The following GRIK1 variants were observed in gnomAD, a reference collection of about 807,000 sequenced individuals.
GRIK1 encodes the protein glutamate ionotropic receptor kainate type subunit 1, also known as glutamate receptor ionotropic, kainate 1.
A neutral mutation model predicts 105.7 loss-of-function variants in GRIK1; 69 were observed. The observed-to-expected ratio is 0.65, with a 90% confidence interval of 0.54 to 0.80. The LOEUF (loss-of-function observed/expected upper bound fraction) is 0.80. GRIK1 is among the 30% of genes least tolerant of loss of function. The probability of loss-of-function intolerance (pLI) is 0.00; values close to 1 mark genes in which losing one functional copy is unlikely to be tolerated. For synonymous variants in GRIK1, 438 were observed against 431.3 expected, an observed-to-expected ratio of 1.02 and a Z score of -0.19; for missense variants, 1,109 against 1,167.3, an observed-to-expected ratio of 0.95 and a Z score of 0.73.
chr21:29,728,784 C>G (rs1013063447), intron 1 of GRIK1, among the ~76,000 whole-genome samples: 1 of 152,094 alleles, frequency 6.6e-6, no homozygotes, highest in African/African-American at 2.4e-5. Context: ...GAAGATAAAA[C>G]AATAAACAGA....
At chr21:29,641,969 C>T (rs1459361550) in intron 7 of GRIK1, among the ~76,000 whole-genome samples, 1 of 151,906 alleles carries the variant, frequency 6.6e-6, no homozygotes, top group Non-Finnish European at 1.5e-5. Flanking sequence ...TTCTCCAGTA[C>T]AGAAAGGAAA....
chr21:29,888,533 T>A (rs2069764338), intron 1 of GRIK1, among the ~76,000 whole-genome samples: 1 of 151,846 alleles, frequency 6.6e-6, no homozygotes, highest in African/African-American at 2.4e-5. Flanking sequence ...CCCAAACTGT[T>A]GGGAACCACT....
At chr21:29,620,808 T>TATATATATATATATATATATATATAG (rs2061978720) in intron 7 of GRIK1, among the ~76,000 whole-genome samples, 1 of 122,624 alleles carries the variant, frequency 8.2e-6, no homozygotes, top group African/African-American at 3.6e-5. Flanking sequence ...TATATATAGA[T>TATATATATATATATATATATATATAG]ATATATATAT....
intron 4 of GRIK1, among the ~76,000 whole-genome samples, chr21:29,665,957 G>T (rs2063051038): frequency 1.3e-5 from 2 of 152,140 alleles, no homozygotes; most frequent in Non-Finnish European, 2.9e-5. Flanking sequence ...CCAGATAAAT[G>T]GTAGTTATTT....
chr21:29,839,464 G>T (rs1367674694), intron 1 of GRIK1, among the ~76,000 whole-genome samples: 1 of 152,148 alleles, frequency 6.6e-6, no homozygotes, highest in Non-Finnish European at 1.5e-5. Flanking sequence ...ATTTTTGGTA[G>T]ACTATATTGA....
chr21:29,587,216 A>G (rs2091147771), intron 12 of GRIK1, 150 bp downstream of exon 12: 1 of 493,398 alleles, frequency 2.0e-6, no homozygotes, highest in Non-Finnish European at 3.6e-6. Flanking sequence ...CATTTACAGA[A>G]CGGCTTTTAT....
At chr21:29,779,772 G>A (rs770316928) in intron 1 of GRIK1, among the ~76,000 whole-genome samples, 30 of 152,086 alleles carry the variant, frequency 2.0e-4, no homozygotes, top group Non-Finnish European at 3.2e-4. Flanking sequence ...TGATAATATC[G>A]TTTTAAAGAT....
chr21:29,810,464 G>GT (rs1018415092), intron 1 of GRIK1, among the ~76,000 whole-genome samples: 29 of 152,052 alleles, frequency 1.9e-4, no homozygotes, highest in African/African-American at 6.8e-4. Context: ...CCTTCAATTT[G>GT]TAAGAAATGC....
At chr21:29,735,701 A>G (rs1053936347) in intron 1 of GRIK1, among the ~76,000 whole-genome samples, 2 of 152,078 alleles carry the variant, frequency 1.3e-5, no homozygotes, top group African/African-American at 2.4e-5. Flanking sequence ...GTTTGAGACC[A>G]GCCTGACCAA....
At position 29,939,533 on chromosome 21, in the gene GRIK1, G is replaced by A; in HGVS notation, c.-33C>T. 2 of 1,392,626 alleles carry A rather than the reference G, an allele frequency of 1.4e-6. No individual in the cohort carries two copies. Among genetic ancestry groups the A allele is most frequent in the Non-Finnish European group, 2.0e-6 (2 of 1,016,594 alleles). The allele number at this position is 1,392,626 out of a possible 1,614,324, so 86.3% of individuals were successfully genotyped here. On this transcript the variant is annotated 5_prime_UTR_variant, in exon 1 of 18. Coordinates refer to ENST00000327783, the MANE Select transcript of GRIK1 (RefSeq NM_001330994.2). Reference sequence around the variant, plus strand: ...GCTTCTTAATTCATGCCGAGATACAGCCGCTGCCGGACGCCCGAGAGATGC... The same window carrying A: ...GCTTCTTAATTCATGCCGAGATACAACCGCTGCCGGACGCCCGAGAGATGC...
intron 1 of GRIK1, among the ~76,000 whole-genome samples, chr21:29,785,561 C>CAAAAAAAAAAAAAAAAAA (rs950219193): frequency 1.7e-5 from 1 of 58,024 alleles, no homozygotes; most frequent in Non-Finnish European, 3.3e-5. Context: ...GAGACTGTCT[C>CAAAAAAAAAAAAAAAAAA]AAAAAAAAAA....
chr21:29,643,910 GCACA>G (rs36010792), intron 6 of GRIK1, among the ~76,000 whole-genome samples: 1 of 149,668 alleles, frequency 6.7e-6, no homozygotes, highest in African/African-American at 2.4e-5. Context: ...GCACACACAT[GCACA>G]CACACACACA....
At chr21:29,597,301 T>C (rs527437886) in intron 8 of GRIK1, among the ~76,000 whole-genome samples, 3 of 152,330 alleles carry the variant, frequency 2.0e-5, no homozygotes, top group African/African-American at 7.2e-5. Context: ...TCTAATTTGA[T>C]TTTGCCTTTG....
At chr21:29,672,537 A>G (rs1381840549) in intron 4 of GRIK1, among the ~76,000 whole-genome samples, 1 of 152,212 alleles carries the variant, frequency 6.6e-6, no homozygotes, top group Non-Finnish European at 1.5e-5. Flanking sequence ...CTGTCCCTGT[A>G]TACCTTTTTT....
intron 1 of GRIK1, among the ~76,000 whole-genome samples, chr21:29,838,672 G>A (rs2067880046): frequency 6.6e-6 from 1 of 152,158 alleles, no homozygotes; most frequent in Admixed American, 6.6e-5. Context: ...CTAGTTTTCA[G>A]CAAAATAACG....
intron 1 of GRIK1, among the ~76,000 whole-genome samples, chr21:29,703,947 A>G (rs1049877671): frequency 6.6e-6 from 1 of 152,228 alleles, no homozygotes; most frequent in African/African-American, 2.4e-5. Context: ...CCTTTGAGGG[A>G]TAAGAAAATA....
At chr21:29,758,748 G>A (rs1386532278) in intron 1 of GRIK1, 1 of 152,610 alleles carries the variant, frequency 6.6e-6, no homozygotes, top group East Asian at 1.9e-4. Flanking sequence ...ATTATGAAAG[G>A]ATAATCTCAA....
intron 7 of GRIK1, among the ~76,000 whole-genome samples, 170 bp from the exon 8 acceptor site, chr21:29,599,107 T>C (rs1380216631): frequency 6.6e-6 from 1 of 152,260 alleles, no homozygotes; most frequent in East Asian, 1.9e-4. Flanking sequence ...CACATCGTCT[T>C]TTTATTAGCA....
At chr21:29,729,929 G>A (rs1255674703) in intron 1 of GRIK1, among the ~76,000 whole-genome samples, 1 of 152,112 alleles carries the variant, frequency 6.6e-6, no homozygotes. Flanking sequence ...GTTTAATACC[G>A]ATTTTCAACT....
Sources: gnomAD v4.1 joint callset for allele counts (sites outside exome capture counted in the v4.1 genomes callset) on GRCh38, gnomAD v4.1.1 for gene constraint, MANE v1.5 for transcripts, NCBI Gene and HGNC (gene_info 2026-07-23, HGNC 2026-07-21) for gene names.